BOD1: variants seen among roughly 807,000 people sequenced by gnomAD.
BOD1 encodes the protein biorientation of chromosomes in cell division protein 1.
In BOD1, 11 loss-of-function variants were observed where a neutral mutation model predicts 15.7. That is an observed-to-expected ratio of 0.70 (90% CI 0.44 to 1.16). The LOEUF is 1.16. Ranked by LOEUF, BOD1 falls within the 50% of genes most tolerant of loss-of-function variation. The pLI, the probability that BOD1 is intolerant of heterozygous loss-of-function variation, is 0.00. For synonymous variants in BOD1, 105 were observed against 103.5 expected (o/e 1.01, Z -0.09); for missense variants, 182 against 244.5 (o/e 0.74, Z 1.70).
chr5:173,616,172 T>TC, intron 1 of BOD1, 28 bp downstream of exon 1: 1 of 1,563,710 alleles, frequency 6.4e-7, no homozygotes, highest in Non-Finnish European at 8.7e-7. Flanking sequence ...GCAGCCCCGC[T>TC]CCCCAACGCC....
Position 173,616,349 on chromosome 5 carries a change from T to A in BOD1, c.88A>T (p.Thr30Ser), listed in dbSNP as rs763297939. Residue 30 changes from threonine to serine, a missense_variant, in exon 1 of 4, where the codon ACT becomes TCT. Physicochemically the swap from Thr to Ser is moderately conservative, Grantham distance 58. Around this residue, in one of 3 missense-constraint regions of BOD1, gnomAD observed 72 missense variants for 68.9 expected, o/e 1.05. Transcript: ENST00000311086. ...GGGCCACCGCCCCCGCTGGCCCCAG[T>A]AGCGCCAGTCGCTGCCCCGGCAGAG... ...QASAGAATGA[T>S]GASGGGGPIN... 22 of 1,527,664 alleles carry A rather than the reference T, an allele frequency of 1.4e-5. 1 individual carries two copies. The Middle Eastern group carries it at 2.5e-3, about 170-fold the overall frequency. 94.6% of individuals were successfully genotyped at this position (1,527,664 alleles called of 1,614,324 possible). A position where few individuals can be genotyped will look rare whatever the true frequency, so the allele number is the denominator to read the frequency against.
At chr5:173,614,554 G>A (rs972498163) in intron 1 of BOD1, 1 of 152,250 alleles carries the variant, frequency 6.6e-6, no homozygotes, top group African/African-American at 2.4e-5. Flanking sequence ...GCAGTCTGGG[G>A]TGGGGCCCAA....
At chr5:173,615,921 A>G (rs775056325) in intron 1 of BOD1, among the ~76,000 whole-genome samples, 18 of 152,218 alleles carry the variant, frequency 1.2e-4, no homozygotes, top group Non-Finnish European at 2.2e-4. Flanking sequence ...GAGGAGTTCC[A>G]TCTTGGGAAT....
chr5:173,609,677 C>G (rs1755297164), intron 2 of BOD1: 1 of 440,840 alleles, frequency 2.3e-6, no homozygotes, highest in Non-Finnish European at 4.0e-6. Context: ...CAACCTTGTA[C>G]AAAAGAATCA....
intron 2 of BOD1, 131 bp downstream of exon 2, chr5:173,613,000 G>C: frequency 8.3e-7 from 1 of 1,200,256 alleles, no homozygotes; most frequent in Non-Finnish European, 1.2e-6. Flanking sequence ...CAAAAGAGCA[G>C]ACTGCTGCAA....
At chr5:173,613,398 G>A in intron 1 of BOD1, 143 bp from the exon 2 acceptor site, 3 of 1,009,366 alleles carry the variant, frequency 3.0e-6, no homozygotes, top group Non-Finnish European at 4.4e-6. Context: ...CATGCAATGT[G>A]GCAGTCAGGA....
Position 173,607,975 on chromosome 5 carries a change from T to C in BOD1, c.*319A>G, listed in dbSNP as rs1755245774. Reference sequence around the variant, plus strand: ...CACAGCACAAACCCTAAAGTCCATGTGCAGTCTCCATGTTCAAGTATAAAA... The same window carrying C: ...CACAGCACAAACCCTAAAGTCCATGCGCAGTCTCCATGTTCAAGTATAAAA... On this transcript the variant is annotated 3_prime_UTR_variant, in exon 4 of 4. Coordinates refer to ENST00000311086, the MANE Select transcript of BOD1 (RefSeq NM_138369.3). 1 of 398,578 alleles carries C rather than the reference T, an allele frequency of 2.5e-6. No individual in the cohort carries two copies. Among genetic ancestry groups the C allele is most frequent in the East Asian group, 4.1e-5 (1 of 24,668 alleles). 24.7% of individuals were successfully genotyped at this position (398,578 alleles called of 1,614,324 possible). A position where few individuals can be genotyped will look rare whatever the true frequency, so the allele number is the denominator to read the frequency against.
Position 173,616,370 on chromosome 5 carries a change from C to T in BOD1, c.67G>A (p.Ala23Thr), listed in dbSNP as rs1755501324. The T allele has an allele frequency of 4.6e-6, 7 of 1,529,534 alleles. No homozygotes were observed. The highest frequency in any genetic ancestry group is 2.5e-5 in the East Asian group (1 of 39,992). 94.7% of individuals were successfully genotyped at this position (1,529,534 alleles called of 1,614,324 possible). Residue 23 changes from alanine to threonine, a missense_variant, in exon 1 of 4, where the codon GCC becomes ACC. Physicochemically the swap from Ala to Thr is moderately conservative, Grantham distance 58. Transcript: ENST00000311086. Reference protein sequence around the residue: ...VGGGGTSQASAGAATGATGAS... With the variant: ...VGGGGTSQASTGAATGATGAS... ...CCAGTAGCGCCAGTCGCTGCCCCGG[C>T]AGAGGCCTGGCTAGTTCCGCCGCCG...
At chr5:173,609,943 T>G (rs1485496009) in intron 2 of BOD1, among the ~76,000 whole-genome samples, 1 of 152,236 alleles carries the variant, frequency 6.6e-6, no homozygotes, top group Non-Finnish European at 1.5e-5. Context: ...TCACCAGCAA[T>G]TCACCATGGC....
At chr5:173,610,343 GGTCT>G (rs1339850204) in intron 2 of BOD1, among the ~76,000 whole-genome samples, 1 of 152,198 alleles carries the variant, frequency 6.6e-6, no homozygotes, top group African/African-American at 2.4e-5. Context: ...GTGGGCAAAT[GGTCT>G]GTCAGGGTAC....
chr5:173,616,183 C>T lies in BOD1; in HGVS notation c.237+17G>A. The T allele has an allele frequency of 6.4e-7, 1 of 1,570,250 alleles. No individual in the cohort carries two copies. Among genetic ancestry groups the T allele is most frequent in the Non-Finnish European group, 8.6e-7 (1 of 1,158,828 alleles). On this transcript the variant is annotated intron_variant, in intron 1 of 3. Transcript: ENST00000311086. ...ACGTGCAGCCCCGCTCCCCAACGCCCAGGCGGCCGCAGCTACCTTGGTGTC... is the reference window on the plus strand; with the variant it reads ...ACGTGCAGCCCCGCTCCCCAACGCCTAGGCGGCCGCAGCTACCTTGGTGTC...
chr5:173,613,851 C>G (rs1184919347), intron 1 of BOD1, among the ~76,000 whole-genome samples: 1 of 152,202 alleles, frequency 6.6e-6, no homozygotes, highest in African/African-American at 2.4e-5. Context: ...TTCACAGATA[C>G]CATGTGCTAT....
At chr5:173,612,427 T>A (rs1755378874) in intron 2 of BOD1, among the ~76,000 whole-genome samples, 1 of 152,230 alleles carries the variant, frequency 6.6e-6, no homozygotes, top group African/African-American at 2.4e-5. Context: ...TACGAGCTGT[T>A]GCACGTGAGC....
chr5:173,616,049 A>T, intron 1 of BOD1, 151 bp downstream of exon 1: 2 of 944,194 alleles, frequency 2.1e-6, no homozygotes, highest in South Asian at 1.7e-5. Context: ...TCGCTCAGAA[A>T]GCTCTCCGTA....
In BOD1 at chr5:173,616,484, A is replaced by G. The variant is rs1755508621; in HGVS notation, c.-48T>C. The G allele has an allele frequency of 1.9e-6, 3 of 1,551,810 alleles. No individual in the cohort carries two copies. Among genetic ancestry groups the G allele is most frequent in the East Asian group, 5.0e-5 (2 of 40,122 alleles). ...GGAGAACGACTATAGCTTCTTCTCC[A>G]GGACAGAAGGCCTAGAACGTGTAGA... is the stretch of plus-strand genomic sequence containing the variant. On this transcript the variant is annotated 5_prime_UTR_variant, in exon 1 of 4. Transcript: ENST00000311086.
intron 1 of BOD1, 123 bp from the exon 2 acceptor site, chr5:173,613,378 T>C (rs1353544516): frequency 2.6e-6 from 3 of 1,172,460 alleles, no homozygotes; most frequent in Non-Finnish European, 3.7e-6. Flanking sequence ...CCACTGTGCA[T>C]GAAGATCACC....
intron 1 of BOD1, among the ~76,000 whole-genome samples, chr5:173,615,269 G>A (rs1485274507): frequency 6.6e-6 from 1 of 152,222 alleles, no homozygotes; most frequent in Non-Finnish European, 1.5e-5. Flanking sequence ...TGAGGATGGG[G>A]TAGTGACTTA....
chr5:173,608,298 A>C lies in BOD1; in HGVS notation c.*2-6T>G, dbSNP rs766216856. On this transcript the variant is annotated splice_polypyrimidine_tract_variant and splice_region_variant and intron_variant, in intron 3 of 3. Coordinates refer to ENST00000311086, the MANE Select transcript of BOD1 (RefSeq NM_138369.3). ...CAAAAGGTGTCTGGCGTATTCTAAA[A>C]AGGAAAGATAATCATATCAAAATGT... 1.6e-6 allele frequency: 2 copies of C among 1,237,164 alleles called. No homozygotes were observed. The highest frequency in any genetic ancestry group is 1.3e-5 in the South Asian group (1 of 77,460). 76.6% of individuals were successfully genotyped at this position (1,237,164 alleles called of 1,614,324 possible). A position where few individuals can be genotyped will look rare whatever the true frequency, so the allele number is the denominator to read the frequency against.
rs2113345638 is a variant in BOD1 at position 173,616,239 on chromosome 5, G to A, written c.198C>T (p.Asp66=). ...CGGCCAGGCAGTCCCGGCGGAAGCTGTCAAAAAGGCCCCGGCTCTTGAGCT... is the reference window on the plus strand; with the variant it reads ...CGGCCAGGCAGTCCCGGCGGAAGCTATCAAAAAGGCCCCGGCTCTTGAGCT... ...VEQLKSRGLF[D]SFRRDCLADV... The change falls in exon 1 of 4, where the codon GAC becomes GAT. Residue 66 remains aspartate (D), a synonymous_variant. Coordinates refer to ENST00000311086, the MANE Select transcript of BOD1 (RefSeq NM_138369.3). 3 of 1,575,628 alleles carry A rather than the reference G, an allele frequency of 1.9e-6. No individual in the cohort carries two copies. Among genetic ancestry groups the A allele is most frequent in the South Asian group, 2.3e-5 (2 of 86,160 alleles).
Sources: allele counts gnomAD v4.1 joint callset (sites outside exome capture counted in the v4.1 genomes callset), GRCh38; gene constraint gnomAD v4.1.1; regional missense constraint gnomAD v4.1.1; transcripts MANE v1.5; gene names NCBI Gene and HGNC (gene_info 2026-07-23, HGNC 2026-07-21).